The following ZRANB3 variants were observed in gnomAD, a reference collection of about 807,000 sequenced individuals.
The protein encoded by ZRANB3 is DNA annealing helicase and endonuclease ZRANB3.
A neutral mutation model predicts 133.8 loss-of-function variants in ZRANB3; 125 were observed. That is an observed-to-expected ratio of 0.93 (90% confidence interval 0.81 to 1.08). ZRANB3 has a LOEUF of 1.08. Among genes scored for constraint, ZRANB3 ranks in the 50% least tolerant of loss-of-function variants. The probability of loss-of-function intolerance (pLI) is 0.00; values close to 1 mark genes in which losing one functional copy is unlikely to be tolerated. For synonymous variants in ZRANB3, 387 were observed against 432.7 expected (o/e 0.89, Z 1.31); for missense variants, 1,229 against 1,275.5 (o/e 0.96, Z 0.56).
At chr2:135,442,474 C>T (rs555344553) in intron 2 of ZRANB3, among the ~76,000 whole-genome samples, 220 of 152,192 alleles carry the variant, frequency 1.4e-3, no homozygotes, top group Middle Eastern at 6.8e-3. Flanking sequence ...ATTAGAGAAA[C>T]GCAAATCAAA....
intron 3 of ZRANB3, among the ~76,000 whole-genome samples, chr2:135,384,201 G>A (rs1284688325): frequency 6.6e-6 from 1 of 152,138 alleles, no homozygotes; most frequent in Non-Finnish European, 1.5e-5. Flanking sequence ...TACCAACAGA[G>A]AATACTATAA....
intron 2 of ZRANB3, among the ~76,000 whole-genome samples, chr2:135,391,475 A>T (rs1687227831): frequency 1.3e-5 from 2 of 152,216 alleles, no homozygotes; most frequent in African/African-American, 2.4e-5. Flanking sequence ...AAAGAGAAGA[A>T]TGCTGCATTA....
At chr2:135,359,903 T>G (rs1558942066) in intron 3 of ZRANB3, among the ~76,000 whole-genome samples, 1 of 152,328 alleles carries the variant, frequency 6.6e-6, no homozygotes, top group East Asian at 1.9e-4. Context: ...TGTTTTTGGT[T>G]GTTCATTTTT....
intron 3 of ZRANB3, among the ~76,000 whole-genome samples, chr2:135,370,790 C>T (rs1686142881): frequency 6.6e-6 from 1 of 152,164 alleles, no homozygotes; most frequent in African/African-American, 2.4e-5. Flanking sequence ...CCAAATCTCA[C>T]CTTGAATTGT....
chr2:135,375,530 A>C (rs1686382996), intron 3 of ZRANB3, among the ~76,000 whole-genome samples: 1 of 152,122 alleles, frequency 6.6e-6, no homozygotes, highest in African/African-American at 2.4e-5. Context: ...CTAAAAATAC[A>C]AAAAACTAGC....
At position 135,345,579 on chromosome 2, in the gene ZRANB3, A is replaced by T; in HGVS notation, c.648T>A (p.Tyr216Ter). ...FPQKFGRWTD[Y>*]AKRYCNAHIR... ...TGTGTGCATTACAGTATCTTTTTGC[A>T]TAGTCGGTCCATCTTCCAAATTTTT... The change falls in exon 6 of 21, where the codon TAT becomes TAA. Residue 216 changes from tyrosine to a stop codon, truncating the protein, a stop_gained. Coordinates refer to ENST00000264159, the MANE Select transcript of ZRANB3 (RefSeq NM_032143.4). LOFTEE classifies it high-confidence loss of function. The T allele has an allele frequency of 6.2e-7, 1 of 1,612,830 alleles. No individual in the cohort carries two copies. The highest frequency in any genetic ancestry group is 8.5e-7 in the Non-Finnish European group (1 of 1,179,378).
intron 2 of ZRANB3, among the ~76,000 whole-genome samples, chr2:135,396,470 AC>A (rs1479961644): frequency 6.6e-6 from 1 of 152,238 alleles, no homozygotes; most frequent in South Asian, 2.1e-4. Context: ...ACAATGGAGT[AC>A]TATTCAGCCA....
At chr2:135,509,989 C>T (rs1260421501) in intron 1 of ZRANB3, among the ~76,000 whole-genome samples, 1 of 151,994 alleles carries the variant, frequency 6.6e-6, no homozygotes, top group Admixed American at 6.6e-5. Context: ...TCTTTTTATT[C>T]AGTTTTTAAA....
At chr2:135,256,844 C>G (rs1679680519) in intron 12 of ZRANB3, among the ~76,000 whole-genome samples, 2 of 152,190 alleles carry the variant, frequency 1.3e-5, no homozygotes, top group South Asian at 4.1e-4. Flanking sequence ...ACTGATATAA[C>G]AGCATGCAAT....
intron 2 of ZRANB3, among the ~76,000 whole-genome samples, chr2:135,432,334 CAT>C (rs1229940614): frequency 2.6e-5 from 4 of 152,052 alleles, no homozygotes; most frequent in Non-Finnish European, 5.9e-5. Context: ...TTAAAAAAGA[CAT>C]ATACATTCAC....
chr2:135,379,536 C>T (rs1325216496), intron 3 of ZRANB3, among the ~76,000 whole-genome samples: 8 of 152,082 alleles, frequency 5.3e-5, no homozygotes, highest in Non-Finnish European at 1.0e-4. Flanking sequence ...TTAATTAACC[C>T]AGAATTTCAT....
rs1462196521 is a variant in ZRANB3 at position 135,203,111 on chromosome 2, A to G, written c.3010-148T>C. 1.2e-5 allele frequency: 11 copies of G among 933,544 alleles called. No homozygotes were observed. The East Asian group carries it at 2.3e-4, about 20-fold the overall frequency. 57.8% of individuals were successfully genotyped at this position (933,544 alleles called of 1,614,324 possible). On this transcript the variant is annotated intron_variant, in intron 19 of 20. Transcript: ENST00000264159. The stretch of plus-strand genomic sequence containing the variant: ...GCTTTTTATAGCTTTTATTGTGAGT[A>G]GAAAAAACCCTCTGTTAGAAGTTTG...
At chr2:135,386,644 A>G (rs1686987749) in intron 3 of ZRANB3, among the ~76,000 whole-genome samples, 1 of 152,222 alleles carries the variant, frequency 6.6e-6, no homozygotes, top group Non-Finnish European at 1.5e-5. Flanking sequence ...CATATACACC[A>G]TGGAATGCTA....
At chr2:135,286,505 T>C (rs1162951972) in intron 8 of ZRANB3, among the ~76,000 whole-genome samples, 1 of 152,222 alleles carries the variant, frequency 6.6e-6, no homozygotes, top group Non-Finnish European at 1.5e-5. Flanking sequence ...CTCAAACTCC[T>C]GGCCTCAAGT....
intron 2 of ZRANB3, among the ~76,000 whole-genome samples, chr2:135,503,808 C>A (rs1257685981): frequency 6.6e-6 from 1 of 151,646 alleles, no homozygotes; most frequent in Non-Finnish European, 1.5e-5. Context: ...AAAAACACAA[C>A]AAAAACAAAA....
intron 3 of ZRANB3, among the ~76,000 whole-genome samples, chr2:135,367,833 A>T (rs1686006801): frequency 6.6e-6 from 1 of 152,154 alleles, no homozygotes; most frequent in Non-Finnish European, 1.5e-5. Context: ...TCCCAATATA[A>T]CTAAATATAT....
At chr2:135,473,803 T>A (rs879793377) in intron 2 of ZRANB3, among the ~76,000 whole-genome samples, 2 of 152,182 alleles carry the variant, frequency 1.3e-5, no homozygotes, top group African/African-American at 4.8e-5. Flanking sequence ...AGAAGTCACT[T>A]TCTCAGCTGC....
At chr2:135,379,769 C>T (rs1412365424) in intron 3 of ZRANB3, among the ~76,000 whole-genome samples, 3 of 152,086 alleles carry the variant, frequency 2.0e-5, no homozygotes, top group Non-Finnish European at 2.9e-5. Context: ...GCAAAACAAC[C>T]AGCTAACATC....
At position 135,198,216 on chromosome 2, in the gene ZRANB3, C is replaced by T. The variant is rs1359793700; in HGVS notation, c.*2126G>A. ...CCCATTTGCAATACATAGTGGGGAGCTTCTGTTTCAGATTGTGAGGAGGAA... is the reference window on the plus strand; with the variant it reads ...CCCATTTGCAATACATAGTGGGGAGTTTCTGTTTCAGATTGTGAGGAGGAA... On this transcript the variant is annotated 3_prime_UTR_variant, in exon 21 of 21. Coordinates refer to ENST00000264159, the MANE Select transcript of ZRANB3 (RefSeq NM_032143.4). 1 of 152,154 alleles carries T rather than the reference C, an allele frequency of 6.6e-6. No individual in the cohort carries two copies. Among genetic ancestry groups the T allele is most frequent in the African/African-American group, 2.4e-5 (1 of 41,422 alleles). 9.4% of individuals were successfully genotyped at this position (152,154 alleles called of 1,614,324 possible).
Sources: gnomAD v4.1 joint callset for allele counts (sites outside exome capture counted in the v4.1 genomes callset) on GRCh38, gnomAD v4.1.1 for gene constraint, MANE v1.5 for transcripts, NCBI Gene and HGNC (gene_info 2026-07-23, HGNC 2026-07-21) for gene names.